The following DOCK10 variants were observed in gnomAD, a reference collection of about 807,000 sequenced individuals.
DOCK10 encodes dedicator of cytokinesis protein 10.
In DOCK10, 145 loss-of-function variants were observed where a neutral mutation model predicts 280.1. The ratio of observed to expected loss-of-function variants is 0.52; its 90% CI spans 0.45 to 0.59. The LOEUF (loss-of-function observed/expected upper bound fraction) is 0.59. Ranked by LOEUF, DOCK10 falls within the 20% of genes least tolerant of loss-of-function variation. The pLI, the probability that DOCK10 is intolerant of heterozygous loss-of-function variation, is 0.00. For missense variants in DOCK10, 2,368 were observed against 2,651.7 expected (o/e 0.89, Z 2.35); for synonymous variants, 915 against 942.2 (o/e 0.97, Z 0.53).
chr2:224,769,031 C>T (rs1690241761), intron 55 of DOCK10: 1 of 421,562 alleles, frequency 2.4e-6, no homozygotes, highest in East Asian at 7.1e-5. Flanking sequence ...CATTCCTTCA[C>T]CACCTTCCCG....
In DOCK10 at chr2:224,885,816, G is replaced by A; in HGVS notation, c.613-11C>T. The A allele has an allele frequency of 6.2e-7, 1 of 1,610,584 alleles. No individual in the cohort carries two copies. The highest frequency in any genetic ancestry group is 1.3e-5 in the African/African-American group (1 of 74,808). ...GCGCTTTTTGAATGACTAAATAAAG[G>A]AAAAGATATAAGGAGATATTCAAAT... On this transcript the variant is annotated splice_polypyrimidine_tract_variant and intron_variant, in intron 6 of 55. Transcript: ENST00000258390.
intron 1 of DOCK10, among the ~76,000 whole-genome samples, chr2:224,993,641 T>C (rs143857887): frequency 6.6e-6 from 1 of 152,256 alleles, no homozygotes; most frequent in African/African-American, 2.4e-5. Context: ...TTAGGCAAAG[T>C]ATTGTTATCC....
At chr2:225,022,759 G>T (rs1559971165) in intron 1 of DOCK10, among the ~76,000 whole-genome samples, 1 of 152,138 alleles carries the variant, frequency 6.6e-6, no homozygotes, top group African/African-American at 2.4e-5. Flanking sequence ...AAATGCCTGG[G>T]GCCAGGAAAC....
At chr2:224,957,289 C>CG (rs1553622567) in intron 1 of DOCK10, among the ~76,000 whole-genome samples, 3 of 146,268 alleles carry the variant, frequency 2.1e-5, no homozygotes, top group South Asian at 2.2e-4. Context: ...CTTTCCGCCC[C>CG]CCCCCGGCTT....
intron 2 of DOCK10, 151 bp downstream of exon 2, chr2:224,931,398 C>A: frequency 1.2e-6 from 1 of 835,024 alleles, no homozygotes; most frequent in African/African-American, 1.7e-5. Flanking sequence ...CCCTGGGGTA[C>A]TTTCTATTAT....
At chr2:224,862,467 A>G (rs151082948) in intron 14 of DOCK10, 197 bp downstream of exon 14, 61 of 544,630 alleles carry the variant, frequency 1.1e-4, no homozygotes, top group African/African-American at 9.6e-4. Flanking sequence ...GCCCTCTATT[A>G]TAAACTGTAT....
At chr2:224,815,945 A>C (rs1471743889) in intron 30 of DOCK10, among the ~76,000 whole-genome samples, 1 of 152,068 alleles carries the variant, frequency 6.6e-6, no homozygotes, top group Non-Finnish European at 1.5e-5. Flanking sequence ...AGGTGGGAGA[A>C]TCCCTCAAAC....
At chr2:224,810,621 C>T (rs1245385839) in intron 31 of DOCK10, among the ~76,000 whole-genome samples, 1 of 140,792 alleles carries the variant, frequency 7.1e-6, no homozygotes, top group Non-Finnish European at 1.5e-5. Flanking sequence ...TCTCCTAATG[C>T]TATCCCTCCC....
Position 224,874,753 on chromosome 2 carries a change from T to C in DOCK10, c.932-2A>G. 6.2e-7 allele frequency: 1 copy of C among 1,612,970 alleles called. No homozygotes were observed. Among genetic ancestry groups the C allele is most frequent in the Non-Finnish European group, 8.5e-7 (1 of 1,179,006 alleles). On this transcript the variant is annotated splice_acceptor_variant, in intron 8 of 55. Transcript: ENST00000258390. LOFTEE classifies it high-confidence loss of function. Reference sequence around the variant, plus strand: ...AAGTTACAGAATTATCCAGCGAATCTTAAAAAGATATACCAAGTCAGGTTA... The same window carrying C: ...AAGTTACAGAATTATCCAGCGAATCCTAAAAAGATATACCAAGTCAGGTTA...
chr2:224,976,764 G>T (rs77170026), intron 1 of DOCK10, among the ~76,000 whole-genome samples: 3,202 of 151,804 alleles, frequency 0.021, 109 homozygotes, highest in African/African-American at 0.073. Flanking sequence ...TTCTGTAAAT[G>T]GTCAGAATAC....
chr2:224,888,455 T>A (rs1052209543), intron 4 of DOCK10, among the ~76,000 whole-genome samples: 1 of 152,032 alleles, frequency 6.6e-6, no homozygotes, highest in Non-Finnish European at 1.5e-5. Context: ...TGAATATACA[T>A]GCATGTATGT....
At chr2:224,921,134 T>TATATATATATATATATATATATATATAA (rs1210407698) in intron 2 of DOCK10, among the ~76,000 whole-genome samples, 2 of 109,186 alleles carry the variant, frequency 1.8e-5, no homozygotes, top group African/African-American at 4.3e-5. Flanking sequence ...TATATATATA[T>TATATATATATATATATATATATATATAA]AATGTATATA....
intron 50 of DOCK10, among the ~76,000 whole-genome samples, chr2:224,780,542 A>T (rs1392939274): frequency 2.6e-5 from 4 of 152,102 alleles, no homozygotes; most frequent in Admixed American, 6.5e-5. Context: ...TCACTGTAAA[A>T]TTTTTCCCCT....
At chr2:224,777,240 G>A (rs1035725099) in intron 51 of DOCK10, among the ~76,000 whole-genome samples, 1 of 152,236 alleles carries the variant, frequency 6.6e-6, no homozygotes, top group African/African-American at 2.4e-5. Flanking sequence ...ATGGCGTAGT[G>A]TGATGGTTAA....
At chr2:224,886,377 G>C in intron 5 of DOCK10, 82 bp downstream of exon 5, 1 of 1,492,652 alleles carries the variant, frequency 6.7e-7, no homozygotes, top group Non-Finnish European at 9.3e-7. Flanking sequence ...CAACAAACCG[G>C]TCAGAACTCG....
At chr2:224,802,369 A>T (rs1203194122) in intron 39 of DOCK10, among the ~76,000 whole-genome samples, 1 of 152,200 alleles carries the variant, frequency 6.6e-6, no homozygotes, top group Non-Finnish European at 1.5e-5. Flanking sequence ...CTGATCAGGA[A>T]GGCACAGTGG....
chr2:224,800,281 A>G lies in DOCK10; in HGVS notation c.4394-18T>C, dbSNP rs1184079747. ...GGAGTTGCCTATAAAATACAAAATA[A>G]AACATGCGTAAAAGTCTAAGACAAT... On this transcript the variant is annotated intron_variant, in intron 40 of 55. Transcript: ENST00000258390. The G allele has an allele frequency of 1.3e-6, 2 of 1,498,870 alleles. No individual in the cohort carries two copies. Among genetic ancestry groups the G allele is most frequent in the African/African-American group, 1.4e-5 (1 of 72,856 alleles). 92.8% of individuals were successfully genotyped at this position (1,498,870 alleles called of 1,614,324 possible). A position where few individuals can be genotyped will look rare whatever the true frequency, so the allele number is the denominator to read the frequency against.
chr2:224,866,613 G>A (rs911054483), intron 11 of DOCK10, among the ~76,000 whole-genome samples: 6 of 152,100 alleles, frequency 3.9e-5, no homozygotes, highest in South Asian at 2.1e-4. Context: ...CCATGATGGC[G>A]ACCAATGGTG....
At chr2:224,807,871 T>C in intron 32 of DOCK10, 40 bp downstream of exon 32, 1 of 1,595,912 alleles carries the variant, frequency 6.3e-7, no homozygotes, top group African/African-American at 1.3e-5. Flanking sequence ...AGTGAGCCAT[T>C]AAATGGTGTT....
Sources: allele counts gnomAD v4.1 joint callset (sites outside exome capture counted in the v4.1 genomes callset), GRCh38; gene constraint gnomAD v4.1.1; transcripts MANE v1.5; gene names NCBI Gene and HGNC (gene_info 2026-07-23, HGNC 2026-07-21).